Variants in IGSF9B observed in about 807,000 individuals in gnomAD.
IGSF9B encodes protein turtle homolog B.
IGSF9B carries 48 observed loss-of-function variants against 143.7 expected under a neutral mutation model. The observed-to-expected ratio is 0.33, with a 90% CI of 0.26 to 0.42. The LOEUF is 0.42. IGSF9B is among the 20% of genes least tolerant of loss of function. IGSF9B has a pLI of 1.00. For synonymous variants in IGSF9B, 903 were observed against 833.1 expected (o/e 1.08, Z -1.44); for missense variants, 1,706 against 1,980.0 (o/e 0.86, Z 2.63).
At position 133,913,144 on chromosome 11, in the gene IGSF9B, A is replaced by T. The variant is rs1003575198; in HGVS notation, c.3984-1137T>A. Among the ~76,000 whole-genome samples, 2 of 152,194 alleles carry T rather than the reference A, an allele frequency of 1.3e-5. No homozygotes were observed. Among genetic ancestry groups the T allele is most frequent in the African/African-American group, 4.8e-5 (2 of 41,458 alleles). On this transcript the variant is annotated intron_variant, in intron 18 of 19. Transcript: ENST00000533871. The surrounding 1 kb of genome is among the most constrained non-coding windows in gnomAD (Gnocchi z 4.6). Reference sequence around the variant, plus strand: ...GCTGGCATTAGCACGTGATCAGAGAAGCAGGGACGCTCTGGGGCCACGGCG... The same window carrying T: ...GCTGGCATTAGCACGTGATCAGAGATGCAGGGACGCTCTGGGGCCACGGCG...
rs1940087863 is a variant in IGSF9B, at chr11:133,948,035, TTCTG to T, written c.65-1781_65-1778del. ...TCTACCTGCCTATCTCTCTCCCTGT[TTCTG>T]TCTACCAGCATGTGTGCGTGTGTGT... On this transcript the variant is annotated intron_variant, in intron 1 of 19. Transcript: ENST00000533871. The surrounding 1 kb of genome is among the most constrained non-coding windows in gnomAD (Gnocchi z 4.7). Among the ~76,000 whole-genome samples, 1 of 149,498 alleles carries T rather than the reference TTCTG, an allele frequency of 6.7e-6. No homozygotes were observed. Among genetic ancestry groups the T allele is most frequent in the Non-Finnish European group, 1.5e-5 (1 of 67,690 alleles).
At chr11:133,933,563 T>C (rs1156706682) in intron 7 of IGSF9B, among the ~76,000 whole-genome samples, 1 of 152,172 alleles carries the variant, frequency 6.6e-6, no homozygotes, top group Non-Finnish European at 1.5e-5. Context: ...CTGGGCAATT[T>C]AGCGAGACTC....
chr11:133,922,050 T>C (rs1243244140), intron 17 of IGSF9B, 127 bp downstream of exon 17: 2 of 776,548 alleles, frequency 2.6e-6, no homozygotes, highest in African/African-American at 1.7e-5. Flanking sequence ...GCAAGTACAA[T>C]TAACACACAG....
intron 1 of IGSF9B, among the ~76,000 whole-genome samples, chr11:133,951,503 C>T (rs1336827091): frequency 1.3e-5 from 2 of 152,268 alleles, no homozygotes; most frequent in Non-Finnish European, 2.9e-5. Flanking sequence ...CCTGAGCCTT[C>T]TCGGCTGGGC....
At chr11:133,949,843 A>G (rs542473407) in intron 1 of IGSF9B, among the ~76,000 whole-genome samples, 17 of 152,318 alleles carry the variant, frequency 1.1e-4, no homozygotes, top group African/African-American at 4.1e-4. Flanking sequence ...CAAAGGGGGA[A>G]AACCAGCATT....
chr11:133,951,087 G>T (rs1046081978), intron 1 of IGSF9B, among the ~76,000 whole-genome samples: 5 of 152,286 alleles, frequency 3.3e-5, no homozygotes, highest in African/African-American at 1.2e-4. Context: ...CAGACCCGGG[G>T]CTCTCACAAA....
intron 18 of IGSF9B, chr11:133,919,003 C>T (rs1173012316): frequency 2.1e-6 from 1 of 482,214 alleles, no homozygotes. Flanking sequence ...GAGGCACAGG[C>T]AGGCGTCCAG....
intron 3 of IGSF9B, among the ~76,000 whole-genome samples, chr11:133,942,209 A>G (rs1939965613): frequency 1.3e-5 from 2 of 152,280 alleles, no homozygotes; most frequent in Non-Finnish European, 1.5e-5. Context: ...CCCACATGTA[A>G]TTAACACTCC....
intron 1 of IGSF9B, among the ~76,000 whole-genome samples, chr11:133,952,537 G>A (rs1399828902): frequency 3.3e-5 from 5 of 152,184 alleles, no homozygotes; most frequent in African/African-American, 4.8e-5. Flanking sequence ...CCACGCACGT[G>A]CACACAAACA....
At chr11:133,915,223 G>A (rs952693096) in intron 18 of IGSF9B, among the ~76,000 whole-genome samples, 2 of 149,214 alleles carry the variant, frequency 1.3e-5, no homozygotes, top group Non-Finnish European at 3.0e-5. Context: ...GTTTTTTGCA[G>A]TACAGAACTA....
chr11:133,947,905 G>A (rs961434111), intron 1 of IGSF9B, among the ~76,000 whole-genome samples: 4 of 151,942 alleles, frequency 2.6e-5, no homozygotes, highest in Non-Finnish European at 5.9e-5. Flanking sequence ...ATTTCTGCAT[G>A]TGTCTGTCCG....
At chr11:133,955,520 G>A (rs1168522304) in intron 1 of IGSF9B, among the ~76,000 whole-genome samples, 1 of 152,180 alleles carries the variant, frequency 6.6e-6, no homozygotes, top group Non-Finnish European at 1.5e-5. Context: ...ATGCCGCTGG[G>A]AGAGGGTTCT....
chr11:133,947,114 C>T (rs91583), intron 1 of IGSF9B, among the ~76,000 whole-genome samples: 59,700 of 151,988 alleles, frequency 0.39, 12,569 homozygotes, highest in Middle Eastern at 0.55. Flanking sequence ...GCAGAGAGGG[C>T]GAGCAAGGCA....
rs1234963909 is a variant in IGSF9B, at chr11:133,902,495, CCAGACATGCACACCACACA to C, written c.*6555_*6573del. ...ACACCACACACAACACACACACACA[CCAGACATGCACACCACACA>C]CAGACATGCACACCACACACATATA... On this transcript the variant is annotated 3_prime_UTR_variant, in exon 20 of 20. Coordinates refer to ENST00000533871, the MANE Select transcript of IGSF9B (RefSeq NM_001277285.4). 1.4e-5 allele frequency among the ~76,000 whole-genome samples: 2 copies of C among 144,836 alleles called. No individual in the cohort carries two copies. The highest frequency in any genetic ancestry group is 6.9e-5 in the Admixed American group (1 of 14,428).
chr11:133,901,427 G>T lies in IGSF9B; in HGVS notation c.*7642C>A, dbSNP rs1565409330. 6.6e-6 allele frequency: 1 copy of T among 152,056 alleles called. No individual in the cohort carries two copies. Among genetic ancestry groups the T allele is most frequent in the Non-Finnish European group, 1.5e-5 (1 of 68,020 alleles). The allele number at this position is 152,056 out of a possible 1,614,324, so 9.4% of individuals were successfully genotyped here. ...ATAGAGATATATAGACTTTATCTAGGTGTTCTTTATATTTATATATGTGTG... is the reference window on the plus strand; with the variant it reads ...ATAGAGATATATAGACTTTATCTAGTTGTTCTTTATATTTATATATGTGTG... On this transcript the variant is annotated 3_prime_UTR_variant, in exon 20 of 20. Coordinates refer to ENST00000533871, the MANE Select transcript of IGSF9B (RefSeq NM_001277285.4).
At position 133,912,002 on chromosome 11, in the gene IGSF9B, A is replaced by G; in HGVS notation, c.3989T>C (p.Leu1330Pro). Reference protein sequence around the residue: ...PPPTLPTSGTLPPAPGNAAAP... With the variant: ...PPPTLPTSGTPPPAPGNAAAP... ...AGCAGCGTTCCCGGGTGCAGGTGGA[A>G]GTGTTCTGGAAAGGACAACCAGAGA... Residue 1330 changes from leucine to proline, a missense_variant, in exon 19 of 20, where the codon CTT becomes CCT. By Grantham distance (98) the Leu-to-Pro change is moderately conservative. This residue lies in a region of IGSF9B where 880 missense variants were observed against 762.9 expected (regional missense o/e 1.15). Coordinates refer to ENST00000533871, the MANE Select transcript of IGSF9B (RefSeq NM_001277285.4). 6.5e-7 allele frequency: 1 copy of G among 1,526,734 alleles called. No homozygotes were observed. The highest frequency in any genetic ancestry group is 1.2e-5 in the South Asian group (1 of 82,362). The allele number at this position is 1,526,734 out of a possible 1,614,324, so 94.6% of individuals were successfully genotyped here.
chr11:133,935,613 T>C lies in IGSF9B; in HGVS notation c.967+4A>G. On this transcript the variant is annotated splice_donor_region_variant and intron_variant, in intron 7 of 19. Coordinates refer to ENST00000533871, the MANE Select transcript of IGSF9B (RefSeq NM_001277285.4). ...CACCCAGGCTCCCCTGCACCCCTACTCACACTGCACGGTCAGGTACGCCGA... is the reference window on the plus strand; with the variant it reads ...CACCCAGGCTCCCCTGCACCCCTACCCACACTGCACGGTCAGGTACGCCGA... 6.2e-7 allele frequency: 1 copy of C among 1,608,628 alleles called. No individual in the cohort carries two copies. The highest frequency in any genetic ancestry group is 8.5e-7 in the Non-Finnish European group (1 of 1,178,044).
chr11:133,935,060 C>T (rs1284945320), intron 7 of IGSF9B, among the ~76,000 whole-genome samples: 5 of 152,344 alleles, frequency 3.3e-5, no homozygotes, highest in East Asian at 3.9e-4. Flanking sequence ...CAAAAGCCCT[C>T]GAACGTCTGG....
chr11:133,911,811 C>T (rs35883589), intron 19 of IGSF9B, 75 bp downstream of exon 19: 79,166 of 1,389,160 alleles, frequency 0.057, 2,550 homozygotes, highest in Middle Eastern at 0.13. Context: ...CTCCTGACAA[C>T]GGCAGCCCAA....
Sources: gnomAD v4.1 joint callset for allele counts (sites outside exome capture counted in the v4.1 genomes callset) on GRCh38, gnomAD v4.1.1 for gene constraint, gnomAD v4.1.1 regional missense constraint, Gnocchi (gnomAD v3.1) non-coding constraint, MANE v1.5 for transcripts, NCBI Gene and HGNC (gene_info 2026-07-23, HGNC 2026-07-21) for gene names.